The following LMBR1 variants were observed in gnomAD, a reference collection of about 807,000 sequenced individuals.
LMBR1 encodes the protein limb region 1 protein homolog.
In LMBR1, 52 loss-of-function variants were observed where a neutral mutation model predicts 73.9. The observed-to-expected ratio is 0.70, with a 90% CI of 0.56 to 0.89. LMBR1 has a LOEUF of 0.89. LMBR1 is among the 40% of genes least tolerant of loss of function. The pLI is 0.00. For missense variants in LMBR1, 539 were observed against 579.8 expected (o/e 0.93, Z 0.72); for synonymous variants, 215 against 209.4 (o/e 1.03, Z -0.23).
intron 1 of LMBR1, among the ~76,000 whole-genome samples, chr7:156,881,299 A>C (rs947793006): frequency 1.8e-4 from 27 of 152,208 alleles, no homozygotes; most frequent in African/African-American, 6.3e-4. Context: ...CATTCAAAAA[A>C]TGCAGTCTTC....
chr7:156,862,254 G>A (rs989663262), intron 1 of LMBR1, among the ~76,000 whole-genome samples: 4 of 152,300 alleles, frequency 2.6e-5, no homozygotes, highest in African/African-American at 9.6e-5. Flanking sequence ...AGTTTGTGCA[G>A]GGGAACTCTT....
intron 9 of LMBR1, among the ~76,000 whole-genome samples, chr7:156,746,673 A>G (rs1019252819): frequency 2.6e-5 from 4 of 152,206 alleles, no homozygotes; most frequent in Non-Finnish European, 2.9e-5. Context: ...GAGATGACAC[A>G]TTATTCAAGG....
At chr7:156,691,574 A>G (rs1222557166) in intron 15 of LMBR1, among the ~76,000 whole-genome samples, 1 of 152,196 alleles carries the variant, frequency 6.6e-6, no homozygotes, top group Non-Finnish European at 1.5e-5. Flanking sequence ...ATCTTCCTAA[A>G]GCAGCAAAAA....
chr7:156,740,224 A>G (rs1464971648), intron 9 of LMBR1, among the ~76,000 whole-genome samples: 1 of 152,086 alleles, frequency 6.6e-6, no homozygotes, highest in Non-Finnish European at 1.5e-5. Flanking sequence ...AAAAGAATCA[A>G]AAAGAATGAA....
chr7:156,735,170 G>A (rs1285361297), intron 9 of LMBR1, among the ~76,000 whole-genome samples: 1 of 152,138 alleles, frequency 6.6e-6, no homozygotes, highest in African/African-American at 2.4e-5. Flanking sequence ...AGTAGGGTAT[G>A]AACATTTATA....
At chr7:156,879,660 T>A in intron 1 of LMBR1, among the ~76,000 whole-genome samples, 1 of 86,176 alleles carries the variant, frequency 1.2e-5, no homozygotes. Context: ...CGAGACTCTG[T>A]CTCAAAAAAA....
rs1271934001 is a variant in LMBR1, at chr7:156,810,101, C to G, written c.320-13609G>C. Among the ~76,000 whole-genome samples, 4 of 152,034 alleles carry G rather than the reference C, an allele frequency of 2.6e-5. No individual in the cohort carries two copies. In the East Asian group the frequency reaches 7.7e-4, roughly 29 times the overall value. On this transcript the variant is annotated intron_variant, in intron 4 of 16. Coordinates refer to ENST00000353442, the MANE Select transcript of LMBR1 (RefSeq NM_022458.4). ...AAAAGAGAGAGATTTATTTGGCTCACAGTTCTACAGGCTGTACAAGAAGCT... is the reference window on the plus strand; with the variant it reads ...AAAAGAGAGAGATTTATTTGGCTCAGAGTTCTACAGGCTGTACAAGAAGCT...
At chr7:156,873,125 G>C (rs895437559) in intron 1 of LMBR1, among the ~76,000 whole-genome samples, 3 of 152,170 alleles carry the variant, frequency 2.0e-5, no homozygotes, top group African/African-American at 7.2e-5. Context: ...GGACTCTTGC[G>C]GTGAGTGTTA....
intron 15 of LMBR1, among the ~76,000 whole-genome samples, chr7:156,698,067 G>A (rs1028382799): frequency 6.6e-6 from 1 of 152,190 alleles, no homozygotes; most frequent in African/African-American, 2.4e-5. Context: ...AAATTGGCCA[G>A]GACAAAGATG....
chr7:156,676,292 C>T, downstream of LMBR1: 3 of 1,591,424 alleles, frequency 1.9e-6, no homozygotes, highest in Non-Finnish European at 2.6e-6. Flanking sequence ...GATTTTAACA[C>T]AGAATGAAAC....
At position 156,703,230 on chromosome 7, in the gene LMBR1, G is replaced by A. The variant is rs112934656; in HGVS notation, c.1226-15039C>T. Among the ~76,000 whole-genome samples, 1,168 of 152,320 alleles carry A rather than the reference G, an allele frequency of 7.7e-3. 16 individuals are homozygous for A. Among genetic ancestry groups the A allele is most frequent in the African/African-American group, 0.026 (1,100 of 41,560 alleles). On this transcript the variant is annotated intron_variant, in intron 15 of 16. Coordinates refer to ENST00000353442, the MANE Select transcript of LMBR1 (RefSeq NM_022458.4). Reference sequence around the variant, plus strand: ...GCTGCTCAACAATGTGTGGAAATTAGCAGCACCAACCACTGGAGTTAGGGG... The same window carrying A: ...GCTGCTCAACAATGTGTGGAAATTAACAGCACCAACCACTGGAGTTAGGGG...
intron 9 of LMBR1, among the ~76,000 whole-genome samples, chr7:156,743,226 C>A (rs953279304): frequency 2.0e-5 from 3 of 152,102 alleles, no homozygotes; most frequent in African/African-American, 7.2e-5. Context: ...ATTTATAAAT[C>A]AAGCACAAAT....
At chr7:156,756,022 T>G (rs1226274398) in intron 9 of LMBR1, among the ~76,000 whole-genome samples, 1 of 152,222 alleles carries the variant, frequency 6.6e-6, no homozygotes. Context: ...TAAAGAAAAT[T>G]TACCTATACT....
At chr7:156,818,571 T>C (rs1340963620) in intron 4 of LMBR1, among the ~76,000 whole-genome samples, 1 of 152,228 alleles carries the variant, frequency 6.6e-6, no homozygotes, top group Non-Finnish European at 1.5e-5. Context: ...CTTATTTTGA[T>C]ATTAAACTCA....
intron 9 of LMBR1, among the ~76,000 whole-genome samples, chr7:156,756,101 A>C (rs1422058033): frequency 2.0e-5 from 3 of 152,206 alleles, no homozygotes; most frequent in South Asian, 2.1e-4. Context: ...TTAAAAATTA[A>C]ATTTTAAAGT....
intron 16 of LMBR1, 136 bp downstream of exon 16, chr7:156,687,894 A>G: frequency 1.3e-6 from 1 of 748,294 alleles, no homozygotes; most frequent in South Asian, 2.3e-5. Flanking sequence ...AATTTTGCAC[A>G]AAGTAGGGGA....
chr7:156,845,946 G>A (rs1300103663), intron 1 of LMBR1, among the ~76,000 whole-genome samples: 5 of 150,918 alleles, frequency 3.3e-5, no homozygotes, highest in African/African-American at 1.2e-4. Flanking sequence ...GTACCAAAAA[G>A]CACAGTACCA....
chr7:156,675,546 A>T (rs541913940), downstream of LMBR1: 99 of 630,236 alleles, frequency 1.6e-4, 2 homozygotes, highest in South Asian at 2.0e-3. Context: ...ATAGTTAAGT[A>T]AAATAGACAT....
chr7:156,891,225 T>C (rs1288429473), intron 1 of LMBR1, among the ~76,000 whole-genome samples: 1,413 of 77,194 alleles, frequency 0.018, 89 homozygotes, highest in East Asian at 0.17. Flanking sequence ...TATATATATA[T>C]ATATATATAC....
Sources: allele counts gnomAD v4.1 joint callset (sites outside exome capture counted in the v4.1 genomes callset), GRCh38; gene constraint gnomAD v4.1.1; transcripts MANE v1.5; gene names NCBI Gene and HGNC (gene_info 2026-07-23, HGNC 2026-07-21).